AGO3: variants seen among roughly 807,000 people sequenced by gnomAD.
The protein encoded by AGO3 is protein argonaute-3.
A neutral mutation model predicts 105.5 loss-of-function variants in AGO3; 16 were observed. The ratio of observed to expected loss-of-function variants is 0.15; its 90% CI spans 0.10 to 0.23. AGO3 has a LOEUF of 0.23. Among genes scored for constraint, AGO3 ranks in the 10% least tolerant of loss-of-function variants. The pLI, the probability that AGO3 is intolerant of heterozygous loss-of-function variation, is 1.00. For missense variants in AGO3, 534 were observed against 1,088.0 expected, an observed-to-expected ratio of 0.49 and a Z score of 7.16; for synonymous variants, 340 against 367.3, an observed-to-expected ratio of 0.93 and a Z score of 0.85.
chr1:36,010,684 G>T (rs1640565021), intron 9 of AGO3, among the ~76,000 whole-genome samples: 2 of 151,640 alleles, frequency 1.3e-5, no homozygotes, highest in Admixed American at 6.6e-5. Context: ...GAGGGGGGCG[G>T]ATCACCTGAG....
intron 5 of AGO3, among the ~76,000 whole-genome samples, chr1:35,996,356 G>A (rs924931690): frequency 6.6e-5 from 10 of 151,408 alleles, no homozygotes; most frequent in South Asian, 2.1e-4. Context: ...ACAAGCTACC[G>A]CTGAGAAAAC....
In AGO3 at chr1:36,050,528, A is replaced by G. The variant is rs371245061; in HGVS notation, c.2275-4418A>G. Among the ~76,000 whole-genome samples, 14 of 151,874 alleles carry G rather than the reference A, an allele frequency of 9.2e-5. No individual in the cohort carries two copies. The East Asian group carries it at 1.6e-3, about 17-fold the overall frequency. The stretch of plus-strand genomic sequence containing the variant: ...AAATAATTGCCGGGTGTGGTAGCTC[A>G]CGCCTGTAATCCCAGCACTTTGGGA... On this transcript the variant is annotated intron_variant, in intron 17 of 18. Transcript: ENST00000373191.
intron 11 of AGO3, among the ~76,000 whole-genome samples, chr1:36,014,965 A>G (rs1466238971): frequency 6.6e-6 from 1 of 152,098 alleles, no homozygotes; most frequent in African/African-American, 2.4e-5. Flanking sequence ...AAATGTGGGG[A>G]GGGTTTCCCC....
Position 36,014,034 on chromosome 1 carries a change from A to G in AGO3, c.1392A>G (p.Arg464=). ...IACFATQRQC[R]EEILKGFTDQ... Reference sequence around the variant, plus strand: ...GTTTTGCCACACAGAGGCAGTGCAGAGAAGAAATATTGAAGTAAGACATGT... The same window carrying G: ...GTTTTGCCACACAGAGGCAGTGCAGGGAAGAAATATTGAAGTAAGACATGT... The change falls in exon 11 of 19, where the codon AGA becomes AGG. Residue 464 remains arginine, a synonymous_variant. Transcript: ENST00000373191. The G allele has an allele frequency of 2.5e-6, 4 of 1,614,184 alleles. No homozygotes were observed. Among genetic ancestry groups the G allele is most frequent in the Non-Finnish European group, 3.4e-6 (4 of 1,180,022 alleles).
chr1:36,021,457 A>G (rs999933366), intron 11 of AGO3, among the ~76,000 whole-genome samples: 2 of 152,146 alleles, frequency 1.3e-5, no homozygotes, highest in African/African-American at 4.8e-5. Flanking sequence ...ATAATCTTAT[A>G]CAATTTTGGA....
intron 3 of AGO3, among the ~76,000 whole-genome samples, chr1:35,968,344 T>C (rs1292096318): frequency 6.6e-6 from 1 of 152,174 alleles, no homozygotes; most frequent in African/African-American, 2.4e-5. Context: ...TTAAGCACAT[T>C]TACATTGTTA....
In AGO3 at chr1:35,945,724, C is replaced by A. The variant is rs147640766; in HGVS notation, c.52C>A (p.Pro18Thr). ...TGGGGCCCAGCCCCTACTCATGGTGCCCAGAAGACCTGGCTATGGCACCAT... is the reference window on the plus strand; with the variant it reads ...TGGGGCCCAGCCCCTACTCATGGTGACCAGAAGACCTGGCTATGGCACCAT... Reference protein sequence around the residue: ...PAGAQPLLMVPRRPGYGTMGK... With the variant: ...PAGAQPLLMVTRRPGYGTMGK... The change falls in exon 2 of 19, where the codon CCC becomes ACC. Residue 18 changes from proline (P) to threonine (T), a missense_variant. Coordinates refer to ENST00000373191, the MANE Select transcript of AGO3 (RefSeq NM_024852.4). The A allele has an allele frequency of 6.2e-7, 1 of 1,613,004 alleles. No individual in the cohort carries two copies. The highest frequency in any genetic ancestry group is 8.5e-7 in the Non-Finnish European group (1 of 1,180,022).
chr1:35,994,692 G>C (rs750767467), intron 5 of AGO3, among the ~76,000 whole-genome samples: 1 of 152,084 alleles, frequency 6.6e-6, no homozygotes, highest in African/African-American at 2.4e-5. Context: ...GTCACAGGAT[G>C]CTAACTGCAT....
At chr1:35,936,372 A>C (rs1646146547) in intron 1 of AGO3, among the ~76,000 whole-genome samples, 1 of 152,192 alleles carries the variant, frequency 6.6e-6, no homozygotes, top group East Asian at 1.9e-4. Flanking sequence ...AAAAGTGTGC[A>C]TTAGTCTGAA....
intron 5 of AGO3, among the ~76,000 whole-genome samples, chr1:35,975,987 G>A (rs1385726100): frequency 6.7e-6 from 1 of 150,090 alleles, no homozygotes; most frequent in East Asian, 1.9e-4. Context: ...TCGCTCTGGA[G>A]TACAATGGAG....
At chr1:36,005,492 T>TTAG (rs1372593398) in intron 6 of AGO3, among the ~76,000 whole-genome samples, 1 of 152,188 alleles carries the variant, frequency 6.6e-6, no homozygotes, top group Non-Finnish European at 1.5e-5. Context: ...TAAGAAACTG[T>TTAG]TTATGTAACT....
chr1:35,975,733 C>T (rs1275308760), intron 5 of AGO3, among the ~76,000 whole-genome samples: 1 of 151,974 alleles, frequency 6.6e-6, no homozygotes, highest in East Asian at 1.9e-4. Context: ...TGTTTAGATC[C>T]AGTGAGTGGG....
At chr1:36,053,817 C>T (rs1414010650) in intron 17 of AGO3, among the ~76,000 whole-genome samples, 1 of 140,180 alleles carries the variant, frequency 7.1e-6, no homozygotes, top group Admixed American at 7.8e-5. Flanking sequence ...GGTGCGATCT[C>T]GGCTCACTGC....
At chr1:35,991,109 G>A (rs538579347) in intron 5 of AGO3, among the ~76,000 whole-genome samples, 6 of 152,122 alleles carry the variant, frequency 3.9e-5, no homozygotes, top group Non-Finnish European at 8.8e-5. Flanking sequence ...TTCAAGACCA[G>A]CCTGGCCAAC....
chr1:35,979,345 A>G (rs1487747722), intron 5 of AGO3, among the ~76,000 whole-genome samples: 1 of 152,114 alleles, frequency 6.6e-6, no homozygotes, highest in Non-Finnish European at 1.5e-5. Context: ...GCCTTGGGAC[A>G]GAATGAGACT....
intron 5 of AGO3, among the ~76,000 whole-genome samples, chr1:36,003,381 T>C (rs1229634363): frequency 4.6e-5 from 7 of 152,160 alleles, no homozygotes; most frequent in African/African-American, 1.7e-4. Context: ...TCAATAATAT[T>C]GGACAGATAA....
intron 2 of AGO3, among the ~76,000 whole-genome samples, chr1:35,960,428 T>C (rs72661635): frequency 0.021 from 3,250 of 152,176 alleles, 68 homozygotes; most frequent in Non-Finnish European, 0.033. Flanking sequence ...TACAGTGAAC[T>C]GTGATCACAT....
rs994751782 is a variant in AGO3 at position 36,057,005 on chromosome 1, G to A, written c.*1260G>A. On this transcript the variant is annotated 3_prime_UTR_variant, in exon 19 of 19. Coordinates refer to ENST00000373191, the MANE Select transcript of AGO3 (RefSeq NM_024852.4). ...TCCACCCGCCTCGACCTCCCAAAGT[G>A]CTGGGATTACAGGCATGAGCCACCG... 2.6e-5 allele frequency: 4 copies of A among 152,204 alleles called. No homozygotes were observed. The highest frequency in any genetic ancestry group is 5.9e-5 in the Non-Finnish European group (4 of 68,098). 9.4% of individuals were successfully genotyped at this position (152,204 alleles called of 1,614,324 possible).
rs1383633798 is a variant in AGO3, at chr1:35,953,465, CA to C, written c.191+7603del. Among the ~76,000 whole-genome samples the C allele has an allele frequency of 4.0e-5, 6 of 151,474 alleles. No individual in the cohort carries two copies. The East Asian group carries it at 1.2e-3, about 29-fold the overall frequency. ...CTGATGACGGATGTTGAACATTTTT[CA>C]TGTATTTATTGGTCATTTGTATATT... On this transcript the variant is annotated intron_variant, in intron 2 of 18. Coordinates refer to ENST00000373191, the MANE Select transcript of AGO3 (RefSeq NM_024852.4).
Sources: gnomAD v4.1 joint callset for allele counts (sites outside exome capture counted in the v4.1 genomes callset) on GRCh38, gnomAD v4.1.1 for gene constraint, MANE v1.5 for transcripts, NCBI Gene and HGNC (gene_info 2026-07-23, HGNC 2026-07-21) for gene names.